Variants in SHROOM3 observed in about 807,000 individuals in gnomAD.
SHROOM3 encodes the protein protein Shroom3.
Under a neutral mutation model 138.6 loss-of-function variants are expected in SHROOM3, and 47 were observed. That is an observed-to-expected ratio of 0.34 (90% CI 0.27 to 0.43). The LOEUF (loss-of-function observed/expected upper bound fraction) is 0.43. SHROOM3 is among the 20% of genes least tolerant of loss of function. The probability of loss-of-function intolerance (pLI) is 1.00; values close to 1 mark genes in which losing one functional copy is unlikely to be tolerated. For synonymous variants in SHROOM3, 1,062 were observed against 1,063.3 expected (o/e 1.00, Z 0.02); for missense variants, 2,491 against 2,596.5 (o/e 0.96, Z 0.88).
At chr4:76,646,557 G>A (rs1333534470) in intron 2 of SHROOM3, among the ~76,000 whole-genome samples, 2 of 152,010 alleles carry the variant, frequency 1.3e-5, no homozygotes, top group Non-Finnish European at 2.9e-5. Context: ...CTCTCAGACT[G>A]TGACATTTAT....
At chr4:76,566,208 A>G (rs1733722154) in intron 2 of SHROOM3, among the ~76,000 whole-genome samples, 1 of 152,120 alleles carries the variant, frequency 6.6e-6, no homozygotes, top group East Asian at 1.9e-4. Context: ...CCTAAACAAT[A>G]CAACAGTGAT....
intron 2 of SHROOM3, among the ~76,000 whole-genome samples, chr4:76,603,838 CTTT>C (rs993165829): frequency 4.1e-5 from 4 of 97,280 alleles, no homozygotes; most frequent in Non-Finnish European, 4.0e-5. Flanking sequence ...ATCTTGTATT[CTTT>C]TTTTTTTTTT....
chr4:76,702,795 G>C (rs1221194833), intron 2 of SHROOM3, among the ~76,000 whole-genome samples: 1 of 152,166 alleles, frequency 6.6e-6, no homozygotes, highest in Non-Finnish European at 1.5e-5. Flanking sequence ...GTGTCAAAGG[G>C]CTCAGTGGGT....
intron 1 of SHROOM3, among the ~76,000 whole-genome samples, chr4:76,475,457 C>A (rs28584645): frequency 0.048 from 7,355 of 152,212 alleles, 207 homozygotes; most frequent in Middle Eastern, 0.075. Flanking sequence ...AGACACAAGA[C>A]TTTTGGGTCA....
At chr4:76,687,764 G>A (rs1435019130) in intron 2 of SHROOM3, among the ~76,000 whole-genome samples, 1 of 152,230 alleles carries the variant, frequency 6.6e-6, no homozygotes, top group Non-Finnish European at 1.5e-5. Context: ...TAACATCCAT[G>A]CTGTGTGGGA....
At position 76,778,945 on chromosome 4, in the gene SHROOM3, A is replaced by C; in HGVS notation, c.5759A>C (p.Asp1920Ala). ...ANYLSEEQLQ[D>A]YQHFVKMKST... ...TACCTTTCAGAGGAGCAGCTCCAGG[A>C]CTACCAGCACTTCGTGAAAATGAAG... The change falls in exon 11 of 11, where the codon GAC becomes GCC. Residue 1920 changes from aspartate to alanine, a missense_variant. Physicochemically the swap from Asp to Ala is moderately radical, Grantham distance 126. Coordinates refer to ENST00000296043, the MANE Select transcript of SHROOM3 (RefSeq NM_020859.4). 6.2e-7 allele frequency: 1 copy of C among 1,614,028 alleles called. No individual in the cohort carries two copies. The highest frequency in any genetic ancestry group is 2.2e-5 in the East Asian group (1 of 44,878).
intron 2 of SHROOM3, among the ~76,000 whole-genome samples, chr4:76,633,028 T>C (rs1735370274): frequency 6.6e-6 from 1 of 152,176 alleles, no homozygotes; most frequent in African/African-American, 2.4e-5. Context: ...ATAATCCCTT[T>C]TTGATAAGGT....
intron 2 of SHROOM3, among the ~76,000 whole-genome samples, chr4:76,594,413 G>A (rs117876743): frequency 6.6e-6 from 1 of 152,252 alleles, no homozygotes; most frequent in East Asian, 1.9e-4. Flanking sequence ...GTGAGGGTGT[G>A]ACATGAATAA....
intron 2 of SHROOM3, among the ~76,000 whole-genome samples, chr4:76,592,572 A>G (rs1166859732): frequency 6.6e-6 from 1 of 152,216 alleles, no homozygotes; most frequent in Non-Finnish European, 1.5e-5. Flanking sequence ...CTATCAGCTA[A>G]GAAGGTTCCA....
intron 2 of SHROOM3, among the ~76,000 whole-genome samples, chr4:76,697,590 C>A (rs1157279762): frequency 6.6e-6 from 1 of 152,152 alleles, no homozygotes; most frequent in Non-Finnish European, 1.5e-5. Context: ...CAAGCTTTAC[C>A]ACTTCCTTTG....
intron 3 of SHROOM3, among the ~76,000 whole-genome samples, chr4:76,723,856 AT>A (rs1189436820): frequency 6.6e-6 from 1 of 152,212 alleles, no homozygotes; most frequent in Non-Finnish European, 1.5e-5. Flanking sequence ...GCACTCAAAT[AT>A]TTTTTGAGTG....
chr4:76,603,424 AAAAC>A (rs144057910), intron 2 of SHROOM3, among the ~76,000 whole-genome samples: 12,794 of 151,942 alleles, frequency 0.084, 576 homozygotes, highest in East Asian at 0.14. Context: ...TCTCAAAACA[AAAAC>A]AAACAAACAA....
chr4:76,496,875 C>T (rs1272955555), intron 1 of SHROOM3, among the ~76,000 whole-genome samples: 1 of 152,148 alleles, frequency 6.6e-6, no homozygotes, highest in Non-Finnish European at 1.5e-5. Context: ...CACCTTATTC[C>T]CCTTTGTGAC....
chr4:76,529,205 G>A (rs1347826349), intron 1 of SHROOM3, among the ~76,000 whole-genome samples: 1 of 152,158 alleles, frequency 6.6e-6, no homozygotes, highest in Non-Finnish European at 1.5e-5. Flanking sequence ...AGGTGGAGAT[G>A]GTGGGTCTCT....
At chr4:76,537,791 C>T (rs1733011841) in intron 1 of SHROOM3, among the ~76,000 whole-genome samples, 1 of 152,164 alleles carries the variant, frequency 6.6e-6, no homozygotes, top group Non-Finnish European at 1.5e-5. Flanking sequence ...TGCCGCCTTG[C>T]TCCACCCCAA....
intron 1 of SHROOM3, among the ~76,000 whole-genome samples, chr4:76,498,007 AC>A (rs992788712): frequency 2.0e-5 from 3 of 152,094 alleles, no homozygotes; most frequent in African/African-American, 7.2e-5. Context: ...ATGATGGGAA[AC>A]CCCTGGATGG....
At chr4:76,544,132 T>C (rs1733162005) in intron 1 of SHROOM3, among the ~76,000 whole-genome samples, 1 of 152,202 alleles carries the variant, frequency 6.6e-6, no homozygotes, top group Non-Finnish European at 1.5e-5. Flanking sequence ...ATTTGCACTA[T>C]AGTACGTTCC....
intron 9 of SHROOM3, among the ~76,000 whole-genome samples, chr4:76,764,979 T>C (rs1192431871): frequency 6.6e-6 from 1 of 152,182 alleles, no homozygotes; most frequent in African/African-American, 2.4e-5. Context: ...AGTATTTCAA[T>C]GACAGTTCAT....
rs780694328 is a variant in SHROOM3 at position 76,755,228 on chromosome 4, CAGGAG to C, written c.4709+39_4709+43del. On this transcript the variant is annotated intron_variant, in intron 7 of 10. Transcript: ENST00000296043. The stretch of plus-strand genomic sequence containing the variant: ...AGACTGGGCAGCTTTCCCCCACTAA[CAGGAG>C]AGTGTCATGCCCCAGGTGGCCCAGG... The C allele has an allele frequency of 1.9e-6, 3 of 1,605,050 alleles. No homozygotes were observed. The African/African-American group carries it at 4.0e-5, about 21-fold the overall frequency.
Sources: allele counts gnomAD v4.1 joint callset (sites outside exome capture counted in the v4.1 genomes callset), GRCh38; gene constraint gnomAD v4.1.1; transcripts MANE v1.5; gene names NCBI Gene and HGNC (gene_info 2026-07-23, HGNC 2026-07-21).